AK9: variants seen among roughly 807,000 people sequenced by gnomAD.
AK9 encodes adenylate kinase 9.
Under a neutral mutation model 239.6 loss-of-function variants are expected in AK9, and 191 were observed. The observed-to-expected ratio is 0.80, with a 90% CI of 0.71 to 0.90. The LOEUF (loss-of-function observed/expected upper bound fraction) is 0.90. Among genes scored for constraint, AK9 ranks in the 40% least tolerant of loss-of-function variants. The probability of loss-of-function intolerance (pLI) is 0.00; values close to 1 mark genes in which losing one functional copy is unlikely to be tolerated. For missense variants in AK9, 1,995 were observed against 2,214.7 expected (o/e 0.90, Z 1.99); for synonymous variants, 689 against 721.0 (o/e 0.96, Z 0.71).
intron 32 of AK9, among the ~76,000 whole-genome samples, chr6:109,511,241 TC>T (rs1264438254): frequency 2.0e-5 from 3 of 152,148 alleles, no homozygotes; most frequent in African/African-American, 7.2e-5. Context: ...CCCCTTTCTG[TC>T]CATTTATGGA....
chr6:109,626,113 A>G (rs1795498856), intron 12 of AK9, among the ~76,000 whole-genome samples: 1 of 152,142 alleles, frequency 6.6e-6, no homozygotes, highest in South Asian at 2.1e-4. Context: ...TCTGCAGTCA[A>G]GCTAATTCAG....
At chr6:109,690,340 T>G (rs1774157604) in intron 1 of AK9, 1 of 152,216 alleles carries the variant, frequency 6.6e-6, no homozygotes, top group Non-Finnish European at 1.5e-5. Flanking sequence ...AAAAGTGGAT[T>G]TACAAAGAGA....
chr6:109,499,081 C>A lies in AK9; in HGVS notation c.5009G>T (p.Gly1670Val). 1 of 1,597,080 alleles carries A rather than the reference C, an allele frequency of 6.3e-7. No homozygotes were observed. The highest frequency in any genetic ancestry group is 8.5e-7 in the Non-Finnish European group (1 of 1,172,272). ...DSLEFAAEFR[G>V]HYYKMSSQEK... ...CTGAGAACTCATTTTATAGTAGTGC[C>A]CCCTGAACTCTGCTGCAAATTCCAA... Residue 1670 changes from glycine (G) to valine (V), a missense_variant, in exon 36 of 41, where the codon GGG becomes GTG. Around this residue, in one of 5 missense-constraint regions of AK9, gnomAD observed 391 missense variants for 456.0 expected, o/e 0.86. Transcript: ENST00000424296.
chr6:109,630,699 G>T (rs1275066616), intron 12 of AK9, among the ~76,000 whole-genome samples: 3 of 152,022 alleles, frequency 2.0e-5, no homozygotes, highest in Non-Finnish European at 4.4e-5. Flanking sequence ...ACAAAAATTA[G>T]CCAGGCATGG....
intron 5 of AK9, among the ~76,000 whole-genome samples, chr6:109,666,416 TG>T (rs1242081445): frequency 6.6e-6 from 1 of 152,148 alleles, no homozygotes; most frequent in African/African-American, 2.4e-5. Flanking sequence ...CACATGTCCT[TG>T]AGACCATTAC....
At chr6:109,502,415 C>CT (rs1336585672) in intron 35 of AK9, among the ~76,000 whole-genome samples, 6 of 152,064 alleles carry the variant, frequency 3.9e-5, no homozygotes, top group Admixed American at 3.9e-4. Context: ...GAGGCAGAGA[C>CT]TGGAGTGATG....
At chr6:109,520,670 A>G (rs1024258980) in intron 29 of AK9, among the ~76,000 whole-genome samples, 1 of 152,064 alleles carries the variant, frequency 6.6e-6, no homozygotes, top group Non-Finnish European at 1.5e-5. Context: ...GTTTGATAGG[A>G]ATACCATTGA....
At chr6:109,523,574 T>A (rs1178683661) in intron 29 of AK9, among the ~76,000 whole-genome samples, 1 of 152,096 alleles carries the variant, frequency 6.6e-6, no homozygotes, top group Non-Finnish European at 1.5e-5. Context: ...GTTTTCTGAT[T>A]TTGTTCATTT....
intron 20 of AK9, 70 bp downstream of exon 20, chr6:109,579,480 C>G: frequency 7.0e-7 from 1 of 1,428,102 alleles, no homozygotes; most frequent in Non-Finnish European, 9.6e-7. Flanking sequence ...CTATAATTCA[C>G]TTGAAATACT....
intron 13 of AK9, among the ~76,000 whole-genome samples, chr6:109,615,632 C>T (rs1794093154): frequency 1.3e-5 from 2 of 151,952 alleles, no homozygotes; most frequent in African/African-American, 4.8e-5. Flanking sequence ...TTTTTGTAAT[C>T]TCTTGGGCAC....
chr6:109,570,144 G>A (rs1303411970), intron 21 of AK9, among the ~76,000 whole-genome samples: 1 of 152,120 alleles, frequency 6.6e-6, no homozygotes, highest in Non-Finnish European at 1.5e-5. Flanking sequence ...CATGGATGAA[G>A]CTGGAAACCA....
At position 109,663,033 on chromosome 6, in the gene AK9, TTTA is replaced by T. The variant is rs761860005; in HGVS notation, c.332-373_332-371del. 2.5e-4 allele frequency among the ~76,000 whole-genome samples: 38 copies of T among 152,118 alleles called. 1 individual carries two copies. The highest frequency in any genetic ancestry group is 5.3e-4 in the Non-Finnish European group (36 of 68,012). ...TATATTATAGGGGTTGCATGCCATA[TTTA>T]TTTTTTTCTCATATTAATATTTCAT... On this transcript the variant is annotated intron_variant, in intron 5 of 40. Transcript: ENST00000424296.
chr6:109,683,233 T>G (rs2128356831), intron 1 of AK9, among the ~76,000 whole-genome samples: 1 of 152,294 alleles, frequency 6.6e-6, no homozygotes, highest in Non-Finnish European at 1.5e-5. Flanking sequence ...AAACTAGGTA[T>G]CAATGGAACG....
chr6:109,580,057 G>GA (rs2128206390), intron 19 of AK9, among the ~76,000 whole-genome samples: 1 of 152,244 alleles, frequency 6.6e-6, no homozygotes, highest in East Asian at 1.9e-4. Context: ...AAGTCTAGGA[G>GA]AAAACCAATC....
At chr6:109,497,356 ACACACACTCT>A (rs1173546907) in intron 38 of AK9, 99 bp downstream of exon 38, 1 of 578,500 alleles carries the variant, frequency 1.7e-6, no homozygotes, top group Admixed American at 3.2e-5. Flanking sequence ...ACACACACAC[ACACACACTCT>A]CTCTCTCTCT....
chr6:109,560,431 T>C (rs1179356769), intron 24 of AK9, among the ~76,000 whole-genome samples: 1 of 152,210 alleles, frequency 6.6e-6, no homozygotes, highest in African/African-American at 2.4e-5. Flanking sequence ...GGATCCCCTT[T>C]ATCAAGCTAA....
intron 27 of AK9, among the ~76,000 whole-genome samples, chr6:109,535,714 C>G (rs185817654): frequency 6.6e-6 from 1 of 151,924 alleles, no homozygotes; most frequent in Non-Finnish European, 1.5e-5. Context: ...GCCTAGGTTT[C>G]CTTCTAGGGT....
chr6:109,615,018 G>A (rs1321414618), intron 13 of AK9, among the ~76,000 whole-genome samples: 69 of 152,154 alleles, frequency 4.5e-4, no homozygotes, highest in Admixed American at 4.5e-3. Context: ...GTGGGAGAAG[G>A]CAATTTGTGG....
At chr6:109,669,740 G>A (rs915839280) in intron 5 of AK9, among the ~76,000 whole-genome samples, 10 of 152,122 alleles carry the variant, frequency 6.6e-5, no homozygotes, top group African/African-American at 1.4e-4. Flanking sequence ...AGGATGAGAC[G>A]CCTTGCTGGG....
Sources: allele counts gnomAD v4.1 joint callset (sites outside exome capture counted in the v4.1 genomes callset), GRCh38; gene constraint gnomAD v4.1.1; regional missense constraint gnomAD v4.1.1; transcripts MANE v1.5; gene names NCBI Gene and HGNC (gene_info 2026-07-23, HGNC 2026-07-21).